GABRB3: variants seen among roughly 807,000 people sequenced by gnomAD.
GABRB3 encodes gamma-aminobutyric acid type A receptor subunit beta3.
A neutral mutation model predicts 52.1 loss-of-function variants in GABRB3; 14 were observed. The ratio of observed to expected loss-of-function variants is 0.27; its 90% CI spans 0.18 to 0.42. The LOEUF is 0.42. GABRB3 is among the 10% of genes least tolerant of loss of function. The pLI is 1.00. For synonymous variants in GABRB3, 260 were observed against 232.3 expected (o/e 1.12, Z -1.08); for missense variants, 307 against 609.1 (o/e 0.50, Z 5.22).
chr15:26,609,103 TACACAC>T (rs79471574), intron 4 of GABRB3, among the ~76,000 whole-genome samples: 21,216 of 142,948 alleles, frequency 0.15, 1,761 homozygotes, highest in Non-Finnish European at 0.19. Flanking sequence ...CACACACACA[TACACAC>T]ACACACACAC....
intron 3 of GABRB3, among the ~76,000 whole-genome samples, chr15:26,670,324 G>A (rs1158646157): frequency 6.6e-6 from 1 of 152,160 alleles, no homozygotes; most frequent in East Asian, 1.9e-4. Flanking sequence ...CAGCAGCAGG[G>A]CAGGGCACGG....
rs914965449 is a variant in GABRB3, at chr15:26,648,579, T to A, written c.241-27045A>T. On this transcript the variant is annotated intron_variant, in intron 3 of 8. Coordinates refer to ENST00000311550, the MANE Select transcript of GABRB3 (RefSeq NM_000814.6). ...AGTTAAAAATACTGAGGAGGAACAG[T>A]GAGGGAGCGGCAGGAGAACCAGGCA... 4.6e-5 allele frequency among the ~76,000 whole-genome samples: 7 copies of A among 151,860 alleles called. No homozygotes were observed. The East Asian group carries it at 1.4e-3, about 29-fold the overall frequency.
At chr15:26,711,020 T>C (rs1046200588) in intron 3 of GABRB3, among the ~76,000 whole-genome samples, 16 of 152,152 alleles carry the variant, frequency 1.1e-4, no homozygotes, top group Non-Finnish European at 2.1e-4. Context: ...CTGGAAGTAG[T>C]CTGAAAATAC....
intron 3 of GABRB3, among the ~76,000 whole-genome samples, chr15:26,640,528 G>T (rs567406303): frequency 2.6e-5 from 4 of 152,066 alleles, no homozygotes; most frequent in African/African-American, 9.6e-5. Flanking sequence ...AAAAAAAAAA[G>T]TAGCAAAAGG....
rs1566834406 is a variant in GABRB3, at chr15:26,764,167, AAAAAAAAAAAAAATATATATATATATAT to A, written c.240+8207_240+8234del. 1.0e-3 allele frequency among the ~76,000 whole-genome samples: 27 copies of A among 25,832 alleles called. 2 individuals carry two copies. The highest frequency in any genetic ancestry group is 1.7e-3 in the Non-Finnish European group (22 of 13,198). The allele number at this position is 25,832 out of a possible 152,430, so 16.9% of individuals were successfully genotyped here. On this transcript the variant is annotated intron_variant, in intron 3 of 8. Coordinates refer to ENST00000311550, the MANE Select transcript of GABRB3 (RefSeq NM_000814.6). ...TCGGTCTCAAAAAAAAAAAAAAAAAAAAAAAAAAAAAAATATATATATATATATATATATATATATATATATATATATA... is the reference window on the plus strand; with the variant it reads ...TCGGTCTCAAAAAAAAAAAAAAAAAAATATATATATATATATATATATATA...
intron 7 of GABRB3, among the ~76,000 whole-genome samples, chr15:26,566,096 A>C (rs1478037097): frequency 6.6e-6 from 1 of 152,200 alleles, no homozygotes; most frequent in African/African-American, 2.4e-5. Context: ...TTACTGGGGA[A>C]GATCTGCAGG....
chr15:26,629,365 C>A (rs1409090532), intron 3 of GABRB3, among the ~76,000 whole-genome samples: 2 of 152,200 alleles, frequency 1.3e-5, no homozygotes, highest in South Asian at 2.1e-4. Context: ...CGGCGCTGTG[C>A]GGCGTGGAGA....
chr15:26,557,427 T>C (rs1211072915), intron 8 of GABRB3, among the ~76,000 whole-genome samples: 1 of 152,140 alleles, frequency 6.6e-6, no homozygotes, highest in Non-Finnish European at 1.5e-5. Context: ...GAAGCTAAGA[T>C]GATAGTTAAA....
At position 26,738,768 on chromosome 15, in the gene GABRB3, C is replaced by T. The variant is rs116926463; in HGVS notation, c.240+33634G>A. Among the ~76,000 whole-genome samples the T allele has an allele frequency of 5.7e-3, 873 of 152,226 alleles. 7 individuals carry two copies. Among genetic ancestry groups the T allele is most frequent in the African/African-American group, 0.017 (717 of 41,522 alleles). ...GCTCAGTCTCACTTTCCAGGAGGAC[C>T]AGGGCTTACTCTCTGTCCACATTCC... On this transcript the variant is annotated intron_variant, in intron 3 of 8. Transcript: ENST00000311550.
At chr15:26,606,769 T>G (rs200275576) in intron 4 of GABRB3, among the ~76,000 whole-genome samples, 107 of 107,202 alleles carry the variant, frequency 1.0e-3, no homozygotes, top group African/African-American at 2.8e-3. Flanking sequence ...TCTGTCTATC[T>G]ATAGATAGAT....
chr15:26,593,183 A>G (rs544836723), intron 4 of GABRB3, among the ~76,000 whole-genome samples: 15 of 152,290 alleles, frequency 9.8e-5, no homozygotes, highest in South Asian at 4.1e-4. Context: ...AGCTTTGAAA[A>G]CAGAGGAGAT....
chr15:26,702,768 G>A (rs1422868226), intron 3 of GABRB3, among the ~76,000 whole-genome samples: 1 of 152,204 alleles, frequency 6.6e-6, no homozygotes, highest in Non-Finnish European at 1.5e-5. Context: ...AATGTTCATA[G>A]CAGCCTTTTT....
chr15:26,670,537 A>T (rs1000055841), intron 3 of GABRB3, among the ~76,000 whole-genome samples: 20 of 152,302 alleles, frequency 1.3e-4, no homozygotes, highest in African/African-American at 4.3e-4. Flanking sequence ...TGCCGACCGC[A>T]GCTCCACGCC....
chr15:26,656,043 C>T (rs965681211), intron 3 of GABRB3, among the ~76,000 whole-genome samples: 5 of 152,136 alleles, frequency 3.3e-5, no homozygotes, highest in African/African-American at 1.2e-4. Flanking sequence ...TGCCTCTCAT[C>T]TCTTCGTTAC....
At chr15:26,649,997 G>A (rs553964724) in intron 3 of GABRB3, among the ~76,000 whole-genome samples, 34 of 152,228 alleles carry the variant, frequency 2.2e-4, no homozygotes, top group East Asian at 9.7e-4. Flanking sequence ...AGTTCTGAGC[G>A]TCCAACAGAG....
chr15:26,556,301 G>T (rs1421282805), intron 8 of GABRB3, among the ~76,000 whole-genome samples: 1 of 152,044 alleles, frequency 6.6e-6, no homozygotes, highest in Admixed American at 6.5e-5. Flanking sequence ...TCACCAGATT[G>T]GCACACAGTT....
intron 3 of GABRB3, among the ~76,000 whole-genome samples, chr15:26,760,809 G>GCACACACACACACACACACACACA (rs10522762): frequency 2.7e-5 from 4 of 149,398 alleles, no homozygotes; most frequent in African/African-American, 7.4e-5. Context: ...ACACGCGCAC[G>GCACACACACACACACACACACACA]CACACACACA....
Position 26,552,166 on chromosome 15 carries a change from C to G in GABRB3, c.1081-4032G>C, listed in dbSNP as rs544568107. 2.6e-5 allele frequency among the ~76,000 whole-genome samples: 4 copies of G among 152,294 alleles called. No homozygotes were observed. In the East Asian group the frequency reaches 7.7e-4, roughly 29 times the overall value. On this transcript the variant is annotated intron_variant, in intron 8 of 8. Coordinates refer to ENST00000311550, the MANE Select transcript of GABRB3 (RefSeq NM_000814.6). ...GGGATTACAGGCATGTGCCACCACA[C>G]CCAGCTAATTTTGTATTTTTAGTAG...
chr15:26,548,588 T>A (rs899321896), intron 8 of GABRB3, among the ~76,000 whole-genome samples: 1 of 152,180 alleles, frequency 6.6e-6, no homozygotes, highest in Admixed American at 6.5e-5. Context: ...GAGAAACACA[T>A]GAATAGTCCT....
Sources: gnomAD v4.1 joint callset for allele counts (sites outside exome capture counted in the v4.1 genomes callset) on GRCh38, gnomAD v4.1.1 for gene constraint, MANE v1.5 for transcripts, NCBI Gene and HGNC (gene_info 2026-07-23, HGNC 2026-07-21) for gene names.